Variants in KHDRBS2 observed in about 807,000 individuals in gnomAD.
KHDRBS2 encodes the protein KH RNA binding domain containing, signal transduction associated 2, also known as KH domain-containing, RNA-binding, signal transduction-associated protein 2.
In KHDRBS2, 26 loss-of-function variants were observed where a neutral mutation model predicts 44.3. The ratio of observed to expected loss-of-function variants is 0.59; its 90% CI spans 0.43 to 0.81. The LOEUF (loss-of-function observed/expected upper bound fraction) is 0.81. Ranked by LOEUF, KHDRBS2 falls within the 40% of genes least tolerant of loss-of-function variation. The pLI, the probability that KHDRBS2 is intolerant of heterozygous loss-of-function variation, is 0.00. For synonymous variants in KHDRBS2, 194 were observed against 151.1 expected (o/e 1.28, Z -2.08); for missense variants, 476 against 433.1 (o/e 1.10, Z -0.88).
the KHDRBS2 span, among the ~76,000 whole-genome samples, chr6:61,615,751 A>AGT: frequency 1.8e-3 from 275 of 152,318 alleles, 2 homozygotes; most frequent in African/African-American, 6.4e-3. Context: ...TCAAGTGGTA[A>AGT]GTATATATAT....
intron 4 of KHDRBS2, among the ~76,000 whole-genome samples, chr6:61,913,312 T>C (rs1583476403): frequency 6.6e-6 from 1 of 151,992 alleles, no homozygotes; most frequent in South Asian, 2.1e-4. Flanking sequence ...GTCCTTTGCC[T>C]GAGGTGGGAT....
the KHDRBS2 span, among the ~76,000 whole-genome samples, chr6:61,627,097 C>CA: frequency 1.3e-5 from 2 of 150,972 alleles, no homozygotes; most frequent in Admixed American, 6.6e-5. Context: ...ACTAAAAATA[C>CA]AAAAAATTAG....
Position 62,243,186 on chromosome 6 carries a change from T to C in KHDRBS2, c.91+42672A>G, listed in dbSNP as rs1177419814. The stretch of plus-strand genomic sequence containing the variant: ...TATATATACACACACTACATATATA[T>C]ATCTATATATCATATCTATGTATGT... On this transcript the variant is annotated intron_variant, in intron 1 of 8. Coordinates refer to ENST00000281156, the MANE Select transcript of KHDRBS2 (RefSeq NM_152688.4). Among the ~76,000 whole-genome samples the C allele has an allele frequency of 2.0e-5, 3 of 152,078 alleles. No homozygotes were observed. The South Asian group carries it at 6.2e-4, about 31-fold the overall frequency.
At chr6:61,788,441 T>C (rs1332168128) in intron 6 of KHDRBS2, among the ~76,000 whole-genome samples, 3 of 151,476 alleles carry the variant, frequency 2.0e-5, no homozygotes, top group Non-Finnish European at 4.4e-5. Context: ...TGTTGCTTTA[T>C]TTTATCATGC....
At chr6:61,987,946 A>T (rs1006649620) in intron 3 of KHDRBS2, among the ~76,000 whole-genome samples, 1 of 151,910 alleles carries the variant, frequency 6.6e-6, no homozygotes, top group South Asian at 2.1e-4. Context: ...TCCACACAAT[A>T]CTCACTAGAT....
chr6:62,072,198 T>A (rs1795290701), intron 2 of KHDRBS2, among the ~76,000 whole-genome samples: 1 of 152,204 alleles, frequency 6.6e-6, no homozygotes, highest in Non-Finnish European at 1.5e-5. Flanking sequence ...TTTTGTATCC[T>A]GAGACTTGGC....
chr6:61,943,528 G>T (rs906096875), intron 4 of KHDRBS2, among the ~76,000 whole-genome samples: 1 of 151,958 alleles, frequency 6.6e-6, no homozygotes, highest in South Asian at 2.1e-4. Flanking sequence ...ATACAGACTG[G>T]CATTATAAAG....
intron 2 of KHDRBS2, among the ~76,000 whole-genome samples, chr6:62,105,303 C>T (rs1336822605): frequency 6.6e-6 from 1 of 152,114 alleles, no homozygotes; most frequent in Non-Finnish European, 1.5e-5. Flanking sequence ...GTATCACAAA[C>T]AGAAAAAGAA....
chr6:61,979,687 A>T (rs1172835659), intron 3 of KHDRBS2, among the ~76,000 whole-genome samples: 1 of 152,246 alleles, frequency 6.6e-6, no homozygotes, highest in South Asian at 2.1e-4. Context: ...GGACTTTTCA[A>T]CTTGAGAGCT....
intron 6 of KHDRBS2, among the ~76,000 whole-genome samples, chr6:61,733,096 T>C (rs1163799345): frequency 6.6e-6 from 1 of 152,166 alleles, no homozygotes; most frequent in Non-Finnish European, 1.5e-5. Context: ...GTGCTAACTT[T>C]ATGGTGGTGT....
chr6:61,597,371 GAATA>G, the KHDRBS2 span, among the ~76,000 whole-genome samples: 1 of 152,034 alleles, frequency 6.6e-6, no homozygotes, highest in Admixed American at 6.5e-5. Context: ...GCCCATTAAT[GAATA>G]AAGCTAAACC....
intron 7 of KHDRBS2, among the ~76,000 whole-genome samples, chr6:61,732,080 G>C (rs1178615101): frequency 6.6e-6 from 1 of 152,030 alleles, no homozygotes; most frequent in Non-Finnish European, 1.5e-5. Context: ...GTTTGCATCT[G>C]CCAAACGTAT....
intron 4 of KHDRBS2, among the ~76,000 whole-genome samples, chr6:61,975,530 G>T (rs945565890): frequency 4.6e-5 from 7 of 152,048 alleles, no homozygotes; most frequent in African/African-American, 1.4e-4. Context: ...TGCAAGCAAG[G>T]CAAATGGGAT....
the KHDRBS2 span, among the ~76,000 whole-genome samples, chr6:61,650,042 C>T: frequency 0.19 from 29,550 of 152,108 alleles, 3,358 homozygotes; most frequent in South Asian, 0.33. Context: ...CACCAGTGTC[C>T]AGCTACAGGC....
intron 3 of KHDRBS2, among the ~76,000 whole-genome samples, chr6:62,022,788 G>A (rs961055005): frequency 4.6e-5 from 7 of 151,578 alleles, no homozygotes; most frequent in Non-Finnish European, 5.9e-5. Flanking sequence ...TATCATGTGC[G>A]TAGTATATAT....
At chr6:62,234,803 T>C (rs1206942666) in intron 1 of KHDRBS2, among the ~76,000 whole-genome samples, 2 of 151,992 alleles carry the variant, frequency 1.3e-5, no homozygotes, top group East Asian at 3.9e-4. Context: ...TCTATAACAT[T>C]ACAGTGCTAT....
At chr6:61,732,063 C>G (rs1774542675) in intron 7 of KHDRBS2, among the ~76,000 whole-genome samples, 1 of 151,988 alleles carries the variant, frequency 6.6e-6, no homozygotes, top group African/African-American at 2.4e-5. Context: ...GTGGTCATTA[C>G]ACAGTAGTTT....
the KHDRBS2 span, among the ~76,000 whole-genome samples, chr6:61,565,928 C>T: frequency 1.3e-5 from 2 of 151,856 alleles, no homozygotes; most frequent in Non-Finnish European, 2.9e-5. Context: ...TATTGCAGCA[C>T]TATACACAAT....
intron 1 of KHDRBS2, 61 bp downstream of exon 1, chr6:62,285,797 T>C: frequency 4.1e-6 from 5 of 1,226,748 alleles, no homozygotes; most frequent in Non-Finnish European, 6.0e-6. Context: ...ACTCCCCTAA[T>C]CAAGCCGCGG....
Sources: gnomAD v4.1 joint callset for allele counts (sites outside exome capture counted in the v4.1 genomes callset) on GRCh38, gnomAD v4.1.1 for gene constraint, MANE v1.5 for transcripts, NCBI Gene and HGNC (gene_info 2026-07-23, HGNC 2026-07-21) for gene names.